Variants in TLR2 observed in about 807,000 individuals in gnomAD.
The protein encoded by TLR2 is toll-like receptor 2.
Under a neutral mutation model 9.1 loss-of-function variants are expected in TLR2, and 7 were observed. The observed-to-expected ratio is 0.77, with a 90% confidence interval of 0.44 to 1.44. The LOEUF (loss-of-function observed/expected upper bound fraction) is 1.44, where lower values mean the gene tolerates loss of function less well. TLR2 is among the 40% of genes most tolerant of loss of function. The pLI, the probability that TLR2 is intolerant of heterozygous loss-of-function variation, is 0.01. For synonymous variants in TLR2, 317 were observed against 344.6 expected, an observed-to-expected ratio of 0.92 and a Z score of 0.89; for missense variants, 812 against 904.6, an observed-to-expected ratio of 0.90 and a Z score of 1.31.
downstream of TLR2, among the ~76,000 whole-genome samples, chr4:153,708,959 T>C (rs538309171): frequency 6.6e-6 from 1 of 152,276 alleles, no homozygotes; most frequent in South Asian, 2.1e-4. Context: ...GAGTTTCTTA[T>C]AAAAGCTTTT....
chr4:153,703,481 A>G lies in TLR2; in HGVS notation c.574A>G (p.Lys192Glu). 6.2e-7 allele frequency: 1 copy of G among 1,613,760 alleles called. No individual in the cohort carries two copies. Among genetic ancestry groups the G allele is most frequent in the East Asian group, 2.2e-5 (1 of 44,864 alleles). The change falls in exon 3 of 3, where the codon AAA becomes GAA. Residue 192 changes from lysine to glutamate, a missense_variant. Coordinates refer to ENST00000642700, the MANE Select transcript of TLR2 (RefSeq NM_001318789.2). ...DASDLQSYEP[K>E]SLKSIQNVSH... is the part of the protein sequence containing the mutation. ...TTCAGATCTACAGAGCTATGAGCCA[A>G]AAAGTTTGAAGTCAATTCAGAATGT...
intron 2 of TLR2, among the ~76,000 whole-genome samples, chr4:153,691,557 C>T (rs1364463073): frequency 3.3e-5 from 5 of 152,228 alleles, no homozygotes; most frequent in African/African-American, 1.2e-4. Context: ...AATCTAGGGT[C>T]TTTTTTGGAT....
rs1480664159 is a variant in TLR2 at position 153,704,782 on chromosome 4, C to T, written c.1875C>T (p.Leu625=). The T allele has an allele frequency of 1.2e-6, 2 of 1,613,972 alleles. No individual in the cohort carries two copies. The highest frequency in any genetic ancestry group is 2.2e-5 in the South Asian group (2 of 91,066). The change falls in exon 3 of 3, where the codon CTC becomes CTT. Residue 625 remains leucine (L), a synonymous_variant. Transcript: ENST00000642700. ...LWYMKMMWAW[L]QAKRKPRKAP... ...ATATGAAAATGATGTGGGCCTGGCT[C>T]CAGGCCAAAAGGAAGCCCAGGAAAG...
downstream of TLR2, among the ~76,000 whole-genome samples, chr4:153,707,842 T>C (rs1314380948): frequency 1.3e-5 from 2 of 152,180 alleles, no homozygotes; most frequent in Admixed American, 6.5e-5. Context: ...TTTGGGAGGC[T>C]GAGGTGGGAG....
intron 2 of TLR2, among the ~76,000 whole-genome samples, chr4:153,692,912 C>T (rs1232209252): frequency 6.6e-6 from 1 of 152,228 alleles, no homozygotes; most frequent in Non-Finnish European, 1.5e-5. Flanking sequence ...GAAATGTCCG[C>T]TCCTGTATCT....
intron 2 of TLR2, among the ~76,000 whole-genome samples, chr4:153,694,820 T>A (rs1595624): frequency 0.96 from 146,644 of 152,154 alleles, 70,858 homozygotes; most frequent in East Asian, 1. Context: ...GTCCCCCTGC[T>A]CCTCCAACTA....
intron 2 of TLR2, among the ~76,000 whole-genome samples, chr4:153,692,662 C>A (rs1031748632): frequency 6.6e-6 from 1 of 152,150 alleles, no homozygotes; most frequent in Non-Finnish European, 1.5e-5. Context: ...ACTTTGAGGG[C>A]TGTATAATTA....
At position 153,704,552 on chromosome 4, in the gene TLR2, C is replaced by A. The variant is rs145563208; in HGVS notation, c.1645C>A (p.Gln549Lys). 9.9e-6 allele frequency: 16 copies of A among 1,613,810 alleles called. No individual in the cohort carries two copies. Among genetic ancestry groups the A allele is most frequent in the Non-Finnish European group, 1.3e-5 (15 of 1,179,964 alleles). Residue 549 changes from glutamine (Q) to lysine (K), a missense_variant, in exon 3 of 3, where the codon CAA becomes AAA. Physicochemically the swap from Gln to Lys is moderately conservative, Grantham distance 53. Coordinates refer to ENST00000642700, the MANE Select transcript of TLR2 (RefSeq NM_001318789.2). ...ATTCCTCTCCTTCACTCAGGAGCAG[C>A]AAGCACTGGCCAAAGTCTTGATTGA... ...CEFLSFTQEQ[Q>K]ALAKVLIDWP...
At chr4:153,706,488 A>AAT (rs1334100416), downstream of TLR2, among the ~76,000 whole-genome samples, 16 of 152,356 alleles carry the variant, frequency 1.1e-4, no homozygotes, top group African/African-American at 3.8e-4. Flanking sequence ...TTTTTAAGCA[A>AAT]ATATATACCT....
Position 153,703,176 on chromosome 4 carries a change from C to A in TLR2, c.269C>A (p.Thr90Lys). 8 of 1,614,192 alleles carry A rather than the reference C, an allele frequency of 5.0e-6. No homozygotes were observed. Among genetic ancestry groups the A allele is most frequent in the Non-Finnish European group, 6.8e-6 (8 of 1,180,038 alleles). ...GTGCTGACATCCAATGGAATTAACA[C>A]AATAGAGGAAGATTCTTTTTCTTCC... ...ALVLTSNGIN[T>K]IEEDSFSSLG... The change falls in exon 3 of 3, where the codon ACA becomes AAA. Residue 90 changes from threonine (T) to lysine (K), a missense_variant. Physicochemically the swap from Thr to Lys is moderately conservative, Grantham distance 78 (BLOSUM62 -1). Transcript: ENST00000642700.
At chr4:153,697,388 G>C (rs1041384618) in intron 2 of TLR2, among the ~76,000 whole-genome samples, 7 of 152,134 alleles carry the variant, frequency 4.6e-5, no homozygotes, top group Admixed American at 4.6e-4. Context: ...TGTGCTTCAT[G>C]TTGTCTTTAT....
In TLR2 at chr4:153,704,623, C is replaced by A. The variant is rs772226208; in HGVS notation, c.1716C>A (p.Gly572=). Residue 572 remains glycine (G), a synonymous_variant, in exon 3 of 3, where the codon GGC becomes GGA. Coordinates refer to ENST00000642700, the MANE Select transcript of TLR2 (RefSeq NM_001318789.2). ...YLCDSPSHVR[G]QQVQDVRLSV... ...GTGACTCTCCATCCCATGTGCGTGG[C>A]CAGCAGGTTCAGGATGTCCGCCTCT... The A allele has an allele frequency of 2.5e-6, 4 of 1,613,548 alleles. No individual in the cohort carries two copies. In the East Asian group the frequency reaches 6.7e-5, roughly 27 times the overall value.
At chr4:153,708,146 G>A (rs1019673330), downstream of TLR2, among the ~76,000 whole-genome samples, 12 of 152,076 alleles carry the variant, frequency 7.9e-5, no homozygotes, top group African/African-American at 2.7e-4. Context: ...TTCTGAGGCT[G>A]TTTAGTGATT....
intron 2 of TLR2, among the ~76,000 whole-genome samples, chr4:153,698,833 T>C (rs1306301593): frequency 6.6e-6 from 1 of 152,202 alleles, no homozygotes; most frequent in Admixed American, 6.5e-5. Flanking sequence ...GATCTTCTAA[T>C]TCACCCTATA....
At chr4:153,697,191 T>TA (rs573578983) in intron 2 of TLR2, among the ~76,000 whole-genome samples, 4 of 151,922 alleles carry the variant, frequency 2.6e-5, no homozygotes, top group Non-Finnish European at 5.9e-5. Context: ...AGTTTTTTTT[T>TA]AAAAAAATTG....
At chr4:153,706,903 A>C (rs1483128795), downstream of TLR2, among the ~76,000 whole-genome samples, 1 of 152,190 alleles carries the variant, frequency 6.6e-6, no homozygotes, top group Non-Finnish European at 1.5e-5. Flanking sequence ...GTAAACCATG[A>C]GCCTAAGCTC....
chr4:153,710,149 AGAAACAGCT>A (rs2127076929), downstream of TLR2: 3 of 427,176 alleles, frequency 7.0e-6, no homozygotes, highest in South Asian at 1.1e-4. Flanking sequence ...GCATGAGTTA[AGAAACAGCT>A]GTAATGGGAA....
intron 2 of TLR2, among the ~76,000 whole-genome samples, chr4:153,695,854 A>G (rs1736453332): frequency 1.3e-5 from 2 of 152,124 alleles, no homozygotes; most frequent in Non-Finnish European, 2.9e-5. Context: ...TTATTTTTGT[A>G]TATGGCAAGA....
At chr4:153,701,078 A>G (rs1281863557) in intron 2 of TLR2, among the ~76,000 whole-genome samples, 7 of 152,248 alleles carry the variant, frequency 4.6e-5, no homozygotes, top group Non-Finnish European at 8.8e-5. Context: ...ATAGGCTAGA[A>G]AACTCACTAT....
Sources: gnomAD v4.1 joint callset for allele counts (sites outside exome capture counted in the v4.1 genomes callset) on GRCh38, gnomAD v4.1.1 for gene constraint, MANE v1.5 for transcripts, NCBI Gene and HGNC (gene_info 2026-07-23, HGNC 2026-07-21) for gene names.